The following MROH2A variants were observed in gnomAD, a reference collection of about 807,000 sequenced individuals.
MROH2A encodes the protein maestro heat-like repeat-containing protein family member 2A.
A neutral mutation model predicts 200.4 loss-of-function variants in MROH2A; 174 were observed. That is an observed-to-expected ratio of 0.87 (90% confidence interval 0.77 to 0.98). The LOEUF (loss-of-function observed/expected upper bound fraction) is 0.98. Ranked by LOEUF, MROH2A falls within the 50% of genes least tolerant of loss-of-function variation. The pLI, the probability that MROH2A is intolerant of heterozygous loss-of-function variation, is 0.00. For missense variants in MROH2A, 2,045 were observed against 2,139.6 expected, an observed-to-expected ratio of 0.96 and a Z score of 0.87; for synonymous variants, 829 against 840.4, an observed-to-expected ratio of 0.99 and a Z score of 0.23.
chr2:233,794,744 A>T (rs1701999723), intron 8 of MROH2A, among the ~76,000 whole-genome samples: 1 of 152,186 alleles, frequency 6.6e-6, no homozygotes, highest in Non-Finnish European at 1.5e-5. Flanking sequence ...CGGAGGCTGC[A>T]GTGAGGCTGT....
rs537116685 is a variant in MROH2A at position 233,812,675 on chromosome 2, C to G, written c.2651+716C>G. Among the ~76,000 whole-genome samples, 19 of 152,164 alleles carry G rather than the reference C, an allele frequency of 1.2e-4. 1 individual carries two copies. The South Asian group carries it at 3.9e-3, about 32-fold the overall frequency. ...TAAGGACTTAGAGATAAGACAGACA[C>G]ATACAAACAGGATTATAGGTCAAAG... On this transcript the variant is annotated intron_variant, in intron 24 of 41. Coordinates refer to ENST00000389758, the MANE Select transcript of MROH2A (RefSeq NM_001394639.1).
chr2:233,802,784 C>G (rs980113577), intron 15 of MROH2A, among the ~76,000 whole-genome samples: 1 of 152,248 alleles, frequency 6.6e-6, no homozygotes, highest in Non-Finnish European at 1.5e-5. Flanking sequence ...CTCCTGTCCC[C>G]TTCCCTCCAA....
chr2:233,832,198 C>T lies in MROH2A; in HGVS notation c.4756C>T (p.Leu1586Phe). ...SILTRKKPAVLYRFLLETMAY... is the reference protein window; with the variant it reads ...SILTRKKPAVFYRFLLETMAY... ...GCAGACTCGGAAAAAGCCGGCTGTT[C>T]TCTACCGCTTCTTGCTAGAAACAAT... The change falls in exon 40 of 42, where the codon CTC (leucine) becomes TTC (phenylalanine). Residue 1586 changes from leucine to phenylalanine, a missense_variant. This residue lies in a region of MROH2A where 1,201 missense variants were observed against 1,311.3 expected (regional missense o/e 0.92). Coordinates refer to ENST00000389758, the MANE Select transcript of MROH2A (RefSeq NM_001394639.1). 6.4e-7 allele frequency: 1 copy of T among 1,550,618 alleles called. No individual in the cohort carries two copies. The highest frequency in any genetic ancestry group is 8.7e-7 in the Non-Finnish European group (1 of 1,147,000).
At chr2:233,799,999 C>T (rs1202753653) in intron 13 of MROH2A, 100 bp downstream of exon 13, 2 of 1,448,248 alleles carry the variant, frequency 1.4e-6, no homozygotes, top group African/African-American at 2.8e-5. Flanking sequence ...GTGTTCAAAC[C>T]TGCGTATCCA....
intron 11 of MROH2A, among the ~76,000 whole-genome samples, chr2:233,798,198 G>A (rs1702234945): frequency 6.6e-6 from 1 of 152,182 alleles, no homozygotes; most frequent in Admixed American, 6.5e-5. Flanking sequence ...TTAGTTGGGT[G>A]TGCTGTCATC....
chr2:233,815,862 TTTG>T (rs775641823), intron 26 of MROH2A, among the ~76,000 whole-genome samples: 20 of 129,440 alleles, frequency 1.5e-4, no homozygotes, highest in African/African-American at 4.6e-4. Flanking sequence ...TTTTTTTTTT[TTTG>T]CTGCATCTCA....
chr2:233,803,030 C>T (rs185349103), intron 15 of MROH2A, among the ~76,000 whole-genome samples: 9 of 152,292 alleles, frequency 5.9e-5, no homozygotes, highest in East Asian at 5.8e-4. Flanking sequence ...TTTGTTTGTG[C>T]GCTGTTGGTT....
intron 3 of MROH2A, among the ~76,000 whole-genome samples, chr2:233,780,345 G>A (rs1700894050): frequency 6.6e-6 from 1 of 152,190 alleles, no homozygotes; most frequent in Admixed American, 6.5e-5. Context: ...TCCAAACCTT[G>A]CTGGGCACCA....
chr2:233,818,951 C>T (rs1402566260), intron 29 of MROH2A, among the ~76,000 whole-genome samples, 181 bp downstream of exon 29: 1 of 152,246 alleles, frequency 6.6e-6, no homozygotes. Context: ...TGTCATGTCC[C>T]TACTTTGTCT....
intron 9 of MROH2A, 48 bp from the exon 10 acceptor site, chr2:233,795,919 C>A: frequency 6.5e-7 from 1 of 1,541,682 alleles, no homozygotes; most frequent in East Asian, 2.5e-5. Flanking sequence ...TGCCCCTGCA[C>A]CTGTGTCCCT....
rs999922481 is a variant in MROH2A, at chr2:233,792,928, C to G, written c.670+34C>G. The G allele has an allele frequency of 3.2e-6, 5 of 1,548,034 alleles. 1 individual carries two copies. In the South Asian group the frequency reaches 4.8e-5, roughly 15 times the overall value. ...CCCACTTGAGCCTGCAGGTCTGGCT[C>G]GATCAGGGCGCCGGAGGGAGACTGC... On this transcript the variant is annotated intron_variant, in intron 6 of 41. Transcript: ENST00000389758.
At chr2:233,831,020 C>T (rs1055717890) in intron 38 of MROH2A, among the ~76,000 whole-genome samples, 2 of 152,178 alleles carry the variant, frequency 1.3e-5, no homozygotes, top group African/African-American at 4.8e-5. Flanking sequence ...AAGCTGTGGC[C>T]AGCAGGCTTG....
chr2:233,790,392 CTTCCTCCA>C (rs1401880861), intron 5 of MROH2A, among the ~76,000 whole-genome samples: 5 of 140,884 alleles, frequency 3.5e-5, no homozygotes, highest in Admixed American at 1.4e-4. Context: ...CCCTTCCTCC[CTTCCTCCA>C]TCCCACCCTT....
In MROH2A at chr2:233,810,533, G is replaced by A. The variant is rs1381082349; in HGVS notation, c.2449-261G>A. Among the ~76,000 whole-genome samples, 3 of 152,312 alleles carry A rather than the reference G, an allele frequency of 2.0e-5. No individual in the cohort carries two copies. In the East Asian group the frequency reaches 5.8e-4, roughly 29 times the overall value. ...ACAATTCAAGTTGAGATTTGAATGG[G>A]GACACAGCCAAACTATATCACGTGT... On this transcript the variant is annotated intron_variant, in intron 22 of 41. Transcript: ENST00000389758.
chr2:233,797,750 G>A (rs758780370), intron 11 of MROH2A, among the ~76,000 whole-genome samples: 104 of 151,792 alleles, frequency 6.9e-4, no homozygotes, highest in Middle Eastern at 6.8e-3. Flanking sequence ...CAACCCTCTA[G>A]CAGGCCCCTG....
chr2:233,800,608 C>T (rs1702402347), intron 14 of MROH2A, among the ~76,000 whole-genome samples: 1 of 146,482 alleles, frequency 6.8e-6, no homozygotes, highest in Non-Finnish European at 1.5e-5. Context: ...GTGTCCATTA[C>T]TTTAAGGCCC....
chr2:233,789,330 A>G (rs1228672464), intron 3 of MROH2A, among the ~76,000 whole-genome samples, 167 bp from the exon 4 acceptor site: 1 of 152,222 alleles, frequency 6.6e-6, no homozygotes, highest in Non-Finnish European at 1.5e-5. Context: ...TGAGAAGGGC[A>G]GGAGAAGCGA....
chr2:233,789,692 C>T, intron 4 of MROH2A, 64 bp downstream of exon 4: 1 of 1,438,316 alleles, frequency 7.0e-7, no homozygotes, highest in Non-Finnish European at 9.2e-7. Context: ...CACGGGGGGC[C>T]TGGCCCAGGA....
chr2:233,819,238 G>T, intron 29 of MROH2A, 79 bp from the exon 30 acceptor site: 1 of 1,391,638 alleles, frequency 7.2e-7, no homozygotes, highest in South Asian at 1.4e-5. Flanking sequence ...GGGGCCATGG[G>T]GTGGGACAGG....
Sources: allele counts gnomAD v4.1 joint callset (sites outside exome capture counted in the v4.1 genomes callset), GRCh38; gene constraint gnomAD v4.1.1; regional missense constraint gnomAD v4.1.1; transcripts MANE v1.5; gene names NCBI Gene and HGNC (gene_info 2026-07-23, HGNC 2026-07-21).